SEMA6D: variants seen among roughly 807,000 people sequenced by gnomAD.
The protein encoded by SEMA6D is semaphorin 6D.
SEMA6D carries 35 observed loss-of-function variants against 106.6 expected under a neutral mutation model. The ratio of observed to expected loss-of-function variants is 0.33; its 90% CI spans 0.25 to 0.44. The LOEUF is 0.44. Ranked by LOEUF, SEMA6D falls within the 20% of genes least tolerant of loss-of-function variation. The pLI, the probability that SEMA6D is intolerant of heterozygous loss-of-function variation, is 1.00. For missense variants in SEMA6D, 1,185 were observed against 1,345.9 expected (o/e 0.88, Z 1.87); for synonymous variants, 499 against 487.7 (o/e 1.02, Z -0.31).
At chr15:47,258,357 T>A (rs1393189484) in intron 1 of SEMA6D, among the ~76,000 whole-genome samples, 1 of 152,224 alleles carries the variant, frequency 6.6e-6, no homozygotes, top group East Asian at 1.9e-4. Context: ...AAAACATTAT[T>A]TCTGGGTATG....
chr15:47,419,694 T>C lies in SEMA6D; in HGVS notation c.-159+7222T>C, dbSNP rs112128228. Among the ~76,000 whole-genome samples, 1,277 of 152,186 alleles carry C rather than the reference T, an allele frequency of 8.4e-3. 28 individuals are homozygous for C. Among genetic ancestry groups the C allele is most frequent in the African/African-American group, 0.028 (1,175 of 41,546 alleles). On this transcript the variant is annotated intron_variant, in intron 2 of 19. Transcript: ENST00000558014. ...AATGGGCGTTATCTGGAAAGTCAGA[T>C]TTCAACTAGTGCAAAAAGGTGAAAG...
intron 3 of SEMA6D, among the ~76,000 whole-genome samples, chr15:47,559,898 C>G (rs113164131): frequency 6.6e-6 from 1 of 152,086 alleles, no homozygotes; most frequent in East Asian, 1.9e-4. Flanking sequence ...TGTTTGAACA[C>G]AACTTTTGAC....
intron 1 of SEMA6D, among the ~76,000 whole-genome samples, chr15:47,745,957 A>G (rs2147178753): frequency 6.6e-6 from 1 of 152,360 alleles, no homozygotes; most frequent in African/African-American, 2.4e-5. Context: ...ATTTTAAAAA[A>G]CAAGTTAGGA....
At chr15:47,673,243 A>G (rs1039447139) in intron 4 of SEMA6D, among the ~76,000 whole-genome samples, 35 of 152,348 alleles carry the variant, frequency 2.3e-4, no homozygotes, top group African/African-American at 5.8e-4. Flanking sequence ...GAGGCTAAAA[A>G]TCTGTTGTAC....
At chr15:47,751,900 G>T (rs753096558) in intron 1 of SEMA6D, among the ~76,000 whole-genome samples, 1 of 152,120 alleles carries the variant, frequency 6.6e-6, no homozygotes, top group Non-Finnish European at 1.5e-5. Flanking sequence ...GACTTAACTA[G>T]CCCAAGGATG....
Position 47,765,037 on chromosome 15 carries a change from G to C in SEMA6D, c.1408G>C (p.Glu470Gln), listed in dbSNP as rs760997001. 8.7e-6 allele frequency: 14 copies of C among 1,613,836 alleles called. No individual in the cohort carries two copies. The Admixed American group carries it at 2.2e-4, about 25-fold the overall frequency. Reference protein sequence around the residue: ...LNDSVLLEEIEAYNHAKCSAE... With the variant: ...LNDSVLLEEIQAYNHAKCSAE... ...CGACAGCGTATTACTGGAAGAGATTGAAGCCTACAACCATGCAAAGTAGGT... is the reference window on the plus strand; with the variant it reads ...CGACAGCGTATTACTGGAAGAGATTCAAGCCTACAACCATGCAAAGTAGGT... Residue 470 changes from glutamate (E) to glutamine (Q), a missense_variant, in exon 13 of 19, where the codon GAA (glutamate) becomes CAA (glutamine). Glu to Gln is a conservative substitution (Grantham distance 29). This residue lies in a region of SEMA6D where 750 missense variants were observed against 783.5 expected (regional missense o/e 0.96). Transcript: ENST00000536845.
In SEMA6D at chr15:47,552,853, AAT is replaced by A. The variant is rs1270860513; in HGVS notation, c.-86-48001_-86-48000del. 2.0e-3 allele frequency among the ~76,000 whole-genome samples: 132 copies of A among 66,862 alleles called. 5 individuals are homozygous for A. The highest frequency in any genetic ancestry group is 0.014 in the African/African-American group (109 of 7,774). The allele number at this position is 66,862 out of a possible 152,430, so 43.9% of individuals were successfully genotyped here. A position where few individuals can be genotyped will look rare whatever the true frequency, so the allele number is the denominator to read the frequency against. On this transcript the variant is annotated intron_variant, in intron 3 of 19. Coordinates refer to the SEMA6D transcript ENST00000558014. ...TTTTATATATATATAAATATATATA[AAT>A]ATATATATATTTTTATATATATATA...
Position 47,762,181 on chromosome 15 carries a change from ATTATACC to A in SEMA6D, c.539-16_539-10del, listed in dbSNP as rs1269824727. 1.2e-6 allele frequency: 2 copies of A among 1,613,350 alleles called. No individual in the cohort carries two copies. Among genetic ancestry groups the A allele is most frequent in the Non-Finnish European group, 1.7e-6 (2 of 1,179,536 alleles). ...GGATAATTATGGTTATCTTACCAAA[ATTATACC>A]TTTGGTTTCAGATGGGAAGCTGTAT... On this transcript the variant is annotated splice_polypyrimidine_tract_variant and intron_variant, in intron 7 of 18. Transcript: ENST00000536845.
chr15:47,717,845 T>C, intron 1 of SEMA6D, among the ~76,000 whole-genome samples, 153 bp downstream of exon 1: 80 of 95,896 alleles, frequency 8.3e-4, no homozygotes, highest in African/African-American at 2.3e-3. Context: ...TGTGTGTGTG[T>C]GTGTGTGTGT....
intron 1 of SEMA6D, among the ~76,000 whole-genome samples, chr15:47,342,146 A>G (rs901688408): frequency 6.6e-6 from 1 of 152,156 alleles, no homozygotes; most frequent in African/African-American, 2.4e-5. Flanking sequence ...TAAACAGTAC[A>G]AGGAAACTAG....
intron 3 of SEMA6D, among the ~76,000 whole-genome samples, chr15:47,559,983 A>T (rs7175417): frequency 0.11 from 16,107 of 152,146 alleles, 1,279 homozygotes; most frequent in African/African-American, 0.23. Context: ...ATAAAACAAA[A>T]TAAATGATAA....
intron 1 of SEMA6D, among the ~76,000 whole-genome samples, chr15:47,312,890 G>A (rs534840493): frequency 5.3e-5 from 8 of 152,126 alleles, no homozygotes; most frequent in African/African-American, 1.9e-4. Context: ...CACATTTCAA[G>A]TACTCAGTTG....
In SEMA6D at chr15:47,405,230, G is replaced by A. The variant is rs534498473; in HGVS notation, c.-238-7163G>A. 1.2e-4 allele frequency among the ~76,000 whole-genome samples: 18 copies of A among 152,240 alleles called. No homozygotes were observed. In the South Asian group the frequency reaches 3.7e-3, roughly 32 times the overall value. On this transcript the variant is annotated intron_variant, in intron 1 of 19. Transcript: ENST00000558014. ...GGAGTGTGTTAGTAGCAGGGAGGAG[G>A]GATGGAGACTGTAAGGGATTGGAGG...
intron 1 of SEMA6D, among the ~76,000 whole-genome samples, chr15:47,296,981 T>C (rs1328507769): frequency 6.6e-6 from 1 of 152,006 alleles, no homozygotes; most frequent in Non-Finnish European, 1.5e-5. Context: ...AGCCCTTTCT[T>C]CCCCCCGCAA....
chr15:47,322,445 C>A (rs2036959742), intron 1 of SEMA6D, among the ~76,000 whole-genome samples: 1 of 151,948 alleles, frequency 6.6e-6, no homozygotes, highest in Non-Finnish European at 1.5e-5. Flanking sequence ...ATATTTTGTA[C>A]AATATCTATC....
At chr15:47,501,949 A>G (rs1164251413) in intron 3 of SEMA6D, among the ~76,000 whole-genome samples, 2 of 151,774 alleles carry the variant, frequency 1.3e-5, no homozygotes, top group East Asian at 3.9e-4. Flanking sequence ...AGATCTTTCC[A>G]TCTTTGCATT....
intron 4 of SEMA6D, among the ~76,000 whole-genome samples, chr15:47,605,910 C>T (rs1208186607): frequency 6.6e-6 from 1 of 152,118 alleles, no homozygotes; most frequent in Admixed American, 6.5e-5. Flanking sequence ...CAATTAATTA[C>T]ATCACTGACC....
chr15:47,420,059 G>GTC (rs2041103379), intron 2 of SEMA6D, among the ~76,000 whole-genome samples: 2 of 152,110 alleles, frequency 1.3e-5, no homozygotes, highest in Admixed American at 1.3e-4. Flanking sequence ...GGTGGTGATT[G>GTC]ACTGTTGCTG....
intron 4 of SEMA6D, among the ~76,000 whole-genome samples, chr15:47,662,561 C>A (rs548679902): frequency 6.6e-6 from 1 of 152,258 alleles, no homozygotes; most frequent in African/African-American, 2.4e-5. Context: ...TGAAGGGAGA[C>A]CTAAATGTGT....
Sources: gnomAD v4.1 joint callset for allele counts (sites outside exome capture counted in the v4.1 genomes callset) on GRCh38, gnomAD v4.1.1 for gene constraint, gnomAD v4.1.1 regional missense constraint, MANE v1.5 for transcripts, NCBI Gene and HGNC (gene_info 2026-07-23, HGNC 2026-07-21) for gene names.